Variants in MCM4 observed in about 807,000 individuals in gnomAD.
The protein encoded by MCM4 is DNA replication licensing factor MCM4.
A neutral mutation model predicts 88.7 loss-of-function variants in MCM4; 60 were observed. The observed-to-expected ratio is 0.68, with a 90% CI of 0.55 to 0.84. MCM4 has a LOEUF of 0.84. Among genes scored for constraint, MCM4 ranks in the 40% least tolerant of loss-of-function variants. The pLI, the probability that MCM4 is intolerant of heterozygous loss-of-function variation, is 0.00. For missense variants in MCM4, 1,149 were observed against 1,105.5 expected (o/e 1.04, Z -0.56); for synonymous variants, 465 against 410.5 (o/e 1.13, Z -1.61).
In MCM4 at chr8:47,967,505, C is replaced by T. The variant is rs6473933; in HGVS notation, c.1174+20C>T. The T allele has an allele frequency of 4.6e-3, 7,352 of 1,613,806 alleles. 280 individuals are homozygous for T. The African/African-American group carries it at 0.082, about 18-fold the overall frequency. On this transcript the variant is annotated intron_variant, in intron 10 of 16. Transcript: ENST00000649973. ...TTACAGGTAAGAGTGTAGGTTTGCA[C>T]CAGCACTTGAGCATGTCTGGCTTGC...
rs903158547 is a variant in MCM4 at position 47,972,778 on chromosome 8, A to C, written c.1929-79A>C. On this transcript the variant is annotated intron_variant, in intron 13 of 16. Transcript: ENST00000649973. ...CACCGTGTTGGCCAGGCTGGTCTCAAACTACCAACCTCAGGTGATCCACCT... is the reference window on the plus strand; with the variant it reads ...CACCGTGTTGGCCAGGCTGGTCTCACACTACCAACCTCAGGTGATCCACCT... 8.7e-5 allele frequency: 102 copies of C among 1,174,236 alleles called. No homozygotes were observed. The African/African-American group carries it at 1.5e-3, about 17-fold the overall frequency. The allele number at this position is 1,174,236 out of a possible 1,614,324, so 72.7% of individuals were successfully genotyped here.
chr8:47,970,741 G>T lies in MCM4; in HGVS notation c.1665G>T (p.Gln555His), dbSNP rs762024097. The T allele has an allele frequency of 6.2e-7, 1 of 1,614,242 alleles. No individual in the cohort carries two copies. The change falls in exon 12 of 17, where the codon CAG (glutamine) becomes CAT (histidine). Residue 555 changes from glutamine (Q) to histidine (H), a missense_variant. By Grantham distance (24) the Gln-to-His change is conservative (BLOSUM62 0). Around this residue, in one of 3 missense-constraint regions of MCM4, gnomAD observed 906 missense variants for 843.0 expected, o/e 1.07. Coordinates refer to ENST00000649973, the MANE Select transcript of MCM4 (RefSeq NM_182746.3). ...AYVMKDPETRQLVLQTGALVL... is the reference protein window; with the variant it reads ...AYVMKDPETRHLVLQTGALVL... Reference sequence around the variant, plus strand: ...TAATGAAAGACCCTGAGACAAGGCAGCTGGTCCTGCAGACAGGTGCTCTTG... The same window carrying T: ...TAATGAAAGACCCTGAGACAAGGCATCTGGTCCTGCAGACAGGTGCTCTTG...
In MCM4 at chr8:47,963,013, G is replaced by A. The variant is rs1563831135; in HGVS notation, c.666G>A (p.Leu222=). 1.2e-6 allele frequency: 2 copies of A among 1,605,546 alleles called. No individual in the cohort carries two copies. Among genetic ancestry groups the A allele is most frequent in the East Asian group, 2.2e-5 (1 of 44,746 alleles). ...ACATCAAATCATTTGACAAAAATTT[G>A]TACAGACAACTCATCTCTTACCCAC... ...CEHIKSFDKN[L]YRQLISYPQE... The change falls in exon 7 of 17, where the codon TTG becomes TTA. Residue 222 remains leucine (L), a synonymous_variant. Transcript: ENST00000649973.
chr8:47,961,094 G>C (rs768558721), intron 1 of MCM4, 37 bp from the exon 2 acceptor site: 1 of 1,509,408 alleles, frequency 6.6e-7, no homozygotes, highest in Non-Finnish European at 8.8e-7. Flanking sequence ...GGGAAGCCGG[G>C]AGGCGGGCCC....
chr8:47,961,528 A>T lies in MCM4; in HGVS notation c.83A>T (p.Asp28Val). 6.2e-7 allele frequency: 1 copy of T among 1,614,072 alleles called. No homozygotes were observed. The highest frequency in any genetic ancestry group is 8.5e-7 in the Non-Finnish European group (1 of 1,180,040). ...TGTGTGACACAAGCTCGGAGTGAGG[A>T]TGCCAGGTCATCTCCCTCTCAGAGA... ...ATPAQTPRSEDARSSPSQRRR... is the reference protein window; with the variant it reads ...ATPAQTPRSEVARSSPSQRRR... The change falls in exon 3 of 17, where the codon GAT becomes GTT. Residue 28 changes from aspartate (D) to valine (V), a missense_variant. Physicochemically the swap from Asp to Val is radical, Grantham distance 152. Transcript: ENST00000649973.
chr8:47,963,072 T>C, intron 7 of MCM4, 32 bp downstream of exon 7: 2 of 1,214,300 alleles, frequency 1.6e-6, no homozygotes, highest in Non-Finnish European at 2.4e-6. Context: ...TGATGAATTT[T>C]AGTAACAGTC....
chr8:47,976,954 T>C lies in MCM4; in HGVS notation c.*176T>C, dbSNP rs985062630. Reference sequence around the variant, plus strand: ...TGTAGTGAAGTATCTGTTTTCATTTTTTTCACGTTATAAATAAAAATACTA... The same window carrying C: ...TGTAGTGAAGTATCTGTTTTCATTTCTTTCACGTTATAAATAAAAATACTA... On this transcript the variant is annotated 3_prime_UTR_variant, in exon 17 of 17. Transcript: ENST00000649973. 5.9e-6 allele frequency: 3 copies of C among 506,716 alleles called. No homozygotes were observed. The highest frequency in any genetic ancestry group is 1.1e-5 in the Non-Finnish European group (3 of 279,572). 31.4% of individuals were successfully genotyped at this position (506,716 alleles called of 1,614,324 possible). A position where few individuals can be genotyped will look rare whatever the true frequency, so the allele number is the denominator to read the frequency against.
chr8:47,961,172 C>T lies in MCM4; in HGVS notation c.28C>T (p.Arg10Cys). The T allele has an allele frequency of 1.3e-6, 2 of 1,551,610 alleles. No individual in the cohort carries two copies. The highest frequency in any genetic ancestry group is 2.6e-5 in the East Asian group (1 of 39,142). Residue 10 changes from arginine (R) to cysteine (C), a missense_variant, in exon 2 of 17, where the codon CGC (arginine) becomes TGC (cysteine). Arg to Cys is a radical substitution (Grantham distance 180). Transcript: ENST00000649973. MSSPASTPS[R>C]RGSRRGRATP... is the part of the protein sequence containing the mutation. ...GTCGTCCCCGGCGTCGACCCCGAGC[C>T]GCCGCGGCAGCCGGCGTGGAAGGGC... is the stretch of plus-strand genomic sequence containing the variant.
intron 14 of MCM4, 73 bp downstream of exon 14, chr8:47,973,137 T>C: frequency 8.1e-7 from 1 of 1,227,552 alleles, no homozygotes; most frequent in South Asian, 1.3e-5. Flanking sequence ...TCATCTCCTT[T>C]AAAATATTAA....
rs2091014637 is a variant in MCM4 at position 47,977,871 on chromosome 8, T to G, written c.*1093T>G. ...GAGATTATTAGATTCTAGGTTAACT[T>G]CTACCACTTTACCCTAATACATAAA... On this transcript the variant is annotated 3_prime_UTR_variant, in exon 17 of 17. Transcript: ENST00000649973. 1 of 152,198 alleles carries G rather than the reference T, an allele frequency of 6.6e-6. No homozygotes were observed. The allele number at this position is 152,198 out of a possible 1,614,324, so 9.4% of individuals were successfully genotyped here.
rs768066982 is a variant in MCM4 at position 47,971,379 on chromosome 8, C to T, written c.1839C>T (p.Val613=). The change falls in exon 13 of 17, where the codon GTC becomes GTT. Residue 613 remains valine (V), a synonymous_variant. Transcript: ENST00000649973. ...GTCAGCTCAATGCGCGCACCTCTGT[C>T]CTGGCAGCAGCAAATCCCATTGAGT... ...IICQLNARTS[V]LAAANPIESQ... The T allele has an allele frequency of 2.5e-6, 4 of 1,614,120 alleles. No homozygotes were observed. Among genetic ancestry groups the T allele is most frequent in the Non-Finnish European group, 3.4e-6 (4 of 1,180,014 alleles).
rs898553644 is a variant in MCM4 at position 47,960,944 on chromosome 8, G to A, written c.-85G>A. The A allele has an allele frequency of 3.7e-6, 2 of 536,460 alleles. No homozygotes were observed. The highest frequency in any genetic ancestry group is 2.7e-5 in the South Asian group (1 of 37,310). The allele number at this position is 536,460 out of a possible 1,614,324, so 33.2% of individuals were successfully genotyped here. ...GCCGGCGGGAACTCTGGGTCTCGCG[G>A]TTTGGGAGCGCTACTCGCCAGGTGG... On this transcript the variant is annotated 5_prime_UTR_variant, in exon 1 of 17. Transcript: ENST00000649973.
In MCM4 at chr8:47,971,449, C is replaced by T. The variant is rs961682089; in HGVS notation, c.1909C>T (p.Pro637Ser). The change falls in exon 13 of 17, where the codon CCT becomes TCT. Residue 637 changes from proline to serine, a missense_variant. Coordinates refer to ENST00000649973, the MANE Select transcript of MCM4 (RefSeq NM_182746.3). ...AACAACCATTGAAAACATCCAGCTG[C>T]CTCATACTTTATTATCAAGGTATTA... ...KKTTIENIQL[P>S]HTLLSRFDLI... 1 of 1,614,052 alleles carries T rather than the reference C, an allele frequency of 6.2e-7. No individual in the cohort carries two copies. The highest frequency in any genetic ancestry group is 8.5e-7 in the Non-Finnish European group (1 of 1,179,932).
chr8:47,969,041 G>A (rs2090926766), intron 10 of MCM4: 1 of 152,180 alleles, frequency 6.6e-6, no homozygotes, highest in African/African-American at 2.4e-5. Flanking sequence ...TAAAAATACT[G>A]CTTATTAAAA....
rs972722190 is a variant in MCM4, at chr8:47,971,479, A to G, written c.1928+11A>G. Reference sequence around the variant, plus strand: ...TACTTTATTATCAAGGTATTAAAACAGATTTTTATTTTGTTCATTTGTAGA... The same window carrying G: ...TACTTTATTATCAAGGTATTAAAACGGATTTTTATTTTGTTCATTTGTAGA... On this transcript the variant is annotated intron_variant, in intron 13 of 16. Coordinates refer to ENST00000649973, the MANE Select transcript of MCM4 (RefSeq NM_182746.3). 6 of 1,613,588 alleles carry G rather than the reference A, an allele frequency of 3.7e-6. No homozygotes were observed. Among genetic ancestry groups the G allele is most frequent in the Non-Finnish European group, 5.1e-6 (6 of 1,179,554 alleles).
Position 47,975,985 on chromosome 8 carries a change from C to A in MCM4, c.2499+137C>A, listed in dbSNP as rs980903731. Reference sequence around the variant, plus strand: ...AAAAGGAAGATGAACCATAAGCCATCATCAAGAAATAATCACAATTAAAAT... The same window carrying A: ...AAAAGGAAGATGAACCATAAGCCATAATCAAGAAATAATCACAATTAAAAT... On this transcript the variant is annotated intron_variant, in intron 16 of 16. Coordinates refer to ENST00000649973, the MANE Select transcript of MCM4 (RefSeq NM_182746.3). 13 of 703,082 alleles carry A rather than the reference C, an allele frequency of 1.8e-5. No individual in the cohort carries two copies. The South Asian group carries it at 5.2e-4, about 28-fold the overall frequency. 43.6% of individuals were successfully genotyped at this position (703,082 alleles called of 1,614,324 possible).
At chr8:47,964,348 C>A (rs1260040095) in intron 7 of MCM4, among the ~76,000 whole-genome samples, 1 of 152,182 alleles carries the variant, frequency 6.6e-6, no homozygotes, top group Non-Finnish European at 1.5e-5. Flanking sequence ...CAGTATACAT[C>A]AAGAAGGCAC....
rs1251745388 is a variant in MCM4, at chr8:47,962,744, A to G, written c.502-20A>G. 3.4e-6 allele frequency: 5 copies of G among 1,486,850 alleles called. No individual in the cohort carries two copies. Among genetic ancestry groups the G allele is most frequent in the Middle Eastern group, 1.7e-4 (1 of 5,718 alleles). The allele number at this position is 1,486,850 out of a possible 1,614,324, so 92.1% of individuals were successfully genotyped here. On this transcript the variant is annotated intron_variant, in intron 5 of 16. Transcript: ENST00000649973. ...TTCCCAAATGCTATATGCCTAATAC[A>G]GTTTTCTCTCCACTTAAAGAGATTT...
In MCM4 at chr8:47,976,798, G is replaced by A; in HGVS notation, c.*20G>A. 6 of 1,515,988 alleles carry A rather than the reference G, an allele frequency of 4.0e-6. No homozygotes were observed. Among genetic ancestry groups the A allele is most frequent in the Non-Finnish European group, 3.7e-6 (4 of 1,091,132 alleles). The allele number at this position is 1,515,988 out of a possible 1,614,324, so 93.9% of individuals were successfully genotyped here. On this transcript the variant is annotated 3_prime_UTR_variant, in exon 17 of 17. Transcript: ENST00000649973. ...CTCTGAAGCCTTGTGAGCAAGGAAG[G>A]CTCCCTGCATGTCCTGCTTGCTGCA...
Sources: gnomAD v4.1 joint callset for allele counts (sites outside exome capture counted in the v4.1 genomes callset) on GRCh38, gnomAD v4.1.1 for gene constraint, gnomAD v4.1.1 regional missense constraint, MANE v1.5 for transcripts, NCBI Gene and HGNC (gene_info 2026-07-23, HGNC 2026-07-21) for gene names.